UBAC2: variants seen among roughly 807,000 people sequenced by gnomAD.
UBAC2 encodes the protein UBA domain containing 2, also known as ubiquitin-associated domain-containing protein 2.
A neutral mutation model predicts 44.0 loss-of-function variants in UBAC2; 26 were observed. The observed-to-expected ratio is 0.59, with a 90% confidence interval of 0.43 to 0.82. The LOEUF (loss-of-function observed/expected upper bound fraction) is 0.82, where lower values mean the gene tolerates loss of function less well. Among genes scored for constraint, UBAC2 ranks in the 40% least tolerant of loss-of-function variants. The pLI, the probability that UBAC2 is intolerant of heterozygous loss-of-function variation, is 0.00. For missense variants in UBAC2, 329 were observed against 419.4 expected (o/e 0.78, Z 1.88); for synonymous variants, 155 against 154.3 (o/e 1.00, Z -0.04).
chr13:99,325,457 C>G (rs1274074638), intron 6 of UBAC2, among the ~76,000 whole-genome samples: 1 of 152,154 alleles, frequency 6.6e-6, no homozygotes, highest in Admixed American at 6.5e-5. Context: ...TTTCTTCCAA[C>G]TATATCCCCT....
At chr13:99,265,968 A>G (rs2043738268) in intron 4 of UBAC2, among the ~76,000 whole-genome samples, 1 of 152,150 alleles carries the variant, frequency 6.6e-6, no homozygotes, top group Admixed American at 6.5e-5. Flanking sequence ...TGAATATGAA[A>G]TAGATCCAGA....
intron 4 of UBAC2, among the ~76,000 whole-genome samples, chr13:99,303,392 A>AT (rs1367890763): frequency 6.6e-6 from 1 of 152,198 alleles, no homozygotes; most frequent in Non-Finnish European, 1.5e-5. Flanking sequence ...CCACTTGCAC[A>AT]TTTGGGGTTT....
intron 4 of UBAC2, among the ~76,000 whole-genome samples, chr13:99,278,673 T>TA (rs1209768641): frequency 6.6e-6 from 1 of 152,250 alleles, no homozygotes; most frequent in Non-Finnish European, 1.5e-5. Context: ...ATGTTTGGAA[T>TA]AATAGATTAG....
chr13:99,226,188 TG>T (rs1235458941), intron 1 of UBAC2, among the ~76,000 whole-genome samples: 3 of 152,120 alleles, frequency 2.0e-5, no homozygotes, highest in Admixed American at 1.3e-4. Context: ...GGTGAAGGCT[TG>T]GGGGAGCATA....
chr13:99,213,272 C>T (rs1019495394), intron 1 of UBAC2, among the ~76,000 whole-genome samples: 1 of 150,550 alleles, frequency 6.6e-6, no homozygotes, highest in African/African-American at 2.4e-5. Flanking sequence ...CCAGGCTGGT[C>T]TCGAACTCCT....
At chr13:99,241,743 CTT>C (rs1165826733) in intron 2 of UBAC2, among the ~76,000 whole-genome samples, 1 of 123,442 alleles carries the variant, frequency 8.1e-6, no homozygotes, top group Non-Finnish European at 1.8e-5. Context: ...TTTTTTTCAA[CTT>C]TTTTTTTTTT....
At chr13:99,379,511 G>A (rs892973933) in intron 8 of UBAC2, among the ~76,000 whole-genome samples, 1 of 152,148 alleles carries the variant, frequency 6.6e-6, no homozygotes, top group African/African-American at 2.4e-5. Context: ...TTCATTTTCA[G>A]TTCCTCATCC....
chr13:99,290,728 CA>C (rs35343898), intron 4 of UBAC2, among the ~76,000 whole-genome samples: 290 of 93,746 alleles, frequency 3.1e-3, no homozygotes, highest in South Asian at 0.02. Flanking sequence ...GTTTCACCAC[CA>C]AAAAAAAAAA....
At chr13:99,385,182 C>T (rs761019209) in intron 8 of UBAC2, 46 bp from the exon 9 acceptor site, 5 of 1,395,998 alleles carry the variant, frequency 3.6e-6, no homozygotes, top group East Asian at 2.3e-5. Flanking sequence ...CAGGGATAAG[C>T]GGCAATGTCA....
intron 4 of UBAC2, among the ~76,000 whole-genome samples, chr13:99,305,815 C>T (rs1752388491): frequency 6.6e-6 from 1 of 152,118 alleles, no homozygotes; most frequent in Non-Finnish European, 1.5e-5. Context: ...AGAAAACATG[C>T]TAAAATATAA....
intron 4 of UBAC2, among the ~76,000 whole-genome samples, chr13:99,269,942 C>G (rs1160164642): frequency 6.6e-6 from 1 of 152,204 alleles, no homozygotes; most frequent in African/African-American, 2.4e-5. Context: ...ATACTTTATA[C>G]AAACACCTTT....
At chr13:99,234,775 G>C (rs1208128495) in intron 1 of UBAC2, among the ~76,000 whole-genome samples, 2 of 152,132 alleles carry the variant, frequency 1.3e-5, no homozygotes, top group Non-Finnish European at 2.9e-5. Context: ...GTGGAACCAA[G>C]GAAGACCAGA....
intron 8 of UBAC2, among the ~76,000 whole-genome samples, chr13:99,380,038 A>G (rs2045530319): frequency 6.6e-6 from 1 of 152,184 alleles, no homozygotes; most frequent in South Asian, 2.1e-4. Flanking sequence ...GGCATGTCAC[A>G]GCTGAAGGAG....
At chr13:99,276,346 G>A (rs907670299) in intron 4 of UBAC2, among the ~76,000 whole-genome samples, 4 of 152,198 alleles carry the variant, frequency 2.6e-5, no homozygotes, top group South Asian at 2.1e-4. Context: ...TGACTGACCC[G>A]CTGTAAATTG....
At chr13:99,315,646 G>C (rs1208878687) in intron 5 of UBAC2, among the ~76,000 whole-genome samples, 1 of 152,124 alleles carries the variant, frequency 6.6e-6, no homozygotes, top group Non-Finnish European at 1.5e-5. Context: ...ATCAAATGGG[G>C]ATGATAATAT....
At chr13:99,342,767 C>T (rs371821392) in intron 7 of UBAC2, among the ~76,000 whole-genome samples, 4 of 152,246 alleles carry the variant, frequency 2.6e-5, no homozygotes, top group East Asian at 1.9e-4. Context: ...GTCCCCTGAC[C>T]GACCAACCAG....
intron 1 of UBAC2, among the ~76,000 whole-genome samples, chr13:99,203,288 G>A (rs896519694): frequency 2.0e-5 from 3 of 151,996 alleles, no homozygotes; most frequent in African/African-American, 7.3e-5. Flanking sequence ...CTCCCGCCTC[G>A]GCCTCCAAAA....
chr13:99,351,488 A>G (rs2045087812), intron 7 of UBAC2: 1 of 455,386 alleles, frequency 2.2e-6, no homozygotes, highest in Non-Finnish European at 4.4e-6. Context: ...TTACAGAAAA[A>G]TATTTGCCAG....
At chr13:99,381,818 A>T (rs2138931437) in intron 8 of UBAC2, among the ~76,000 whole-genome samples, 1 of 152,342 alleles carries the variant, frequency 6.6e-6, no homozygotes, top group South Asian at 2.1e-4. Flanking sequence ...AAGGAAAAGG[A>T]AAGTGTGAAT....
Sources: gnomAD v4.1 joint callset for allele counts (sites outside exome capture counted in the v4.1 genomes callset) on GRCh38, gnomAD v4.1.1 for gene constraint, MANE v1.5 for transcripts, NCBI Gene and HGNC (gene_info 2026-07-23, HGNC 2026-07-21) for gene names.